RSPO3: variants seen among roughly 807,000 people sequenced by gnomAD.
The protein encoded by RSPO3 is R-spondin 3.
Under a neutral mutation model 36.5 loss-of-function variants are expected in RSPO3, and 17 were observed. That is an observed-to-expected ratio of 0.47 (90% CI 0.32 to 0.70). The LOEUF is 0.70. Among genes scored for constraint, RSPO3 ranks in the 30% least tolerant of loss-of-function variants. The pLI is 0.04. For synonymous variants in RSPO3, 108 were observed against 107.0 expected, an observed-to-expected ratio of 1.01 and a Z score of -0.06; for missense variants, 294 against 322.5, an observed-to-expected ratio of 0.91 and a Z score of 0.68.
chr6:127,143,805 C>T (rs1774326608), intron 1 of RSPO3, among the ~76,000 whole-genome samples: 1 of 152,094 alleles, frequency 6.6e-6, no homozygotes, highest in Non-Finnish European at 1.5e-5. Flanking sequence ...TTTAAATTGT[C>T]ACAGAAACAG....
intron 1 of RSPO3, among the ~76,000 whole-genome samples, chr6:127,147,117 C>T (rs188498201): frequency 3.2e-4 from 49 of 152,192 alleles, no homozygotes; most frequent in Admixed American, 1.9e-3. Flanking sequence ...ATTTACAAAA[C>T]GTCTTGGAAT....
chr6:127,153,402 T>C (rs1774529057), intron 3 of RSPO3, among the ~76,000 whole-genome samples: 1 of 152,100 alleles, frequency 6.6e-6, no homozygotes, highest in Non-Finnish European at 1.5e-5. Flanking sequence ...AGGTTTATTC[T>C]ACAGTGTTTC....
chr6:127,119,300 G>A lies in RSPO3; in HGVS notation c.97+11G>A, dbSNP rs1562237332. ...GGCGCCAGCGAAGAAGTAAGTGCAGGGTTTTTTACGCGTTTGCTCCCTCCC... is the reference window on the plus strand; with the variant it reads ...GGCGCCAGCGAAGAAGTAAGTGCAGAGTTTTTTACGCGTTTGCTCCCTCCC... On this transcript the variant is annotated intron_variant, in intron 1 of 4. Coordinates refer to ENST00000356698, the MANE Select transcript of RSPO3 (RefSeq NM_032784.5). 2.5e-6 allele frequency: 4 copies of A among 1,602,558 alleles called. No homozygotes were observed. In the South Asian group the frequency reaches 4.4e-5, roughly 18 times the overall value.
At chr6:127,186,428 T>C (rs578081917) in intron 4 of RSPO3, among the ~76,000 whole-genome samples, 162 of 152,246 alleles carry the variant, frequency 1.1e-3, no homozygotes, top group Admixed American at 2.6e-3. Flanking sequence ...ACCATTAATT[T>C]TGAGAATGAA....
At chr6:127,137,781 C>T (rs892873341) in intron 1 of RSPO3, among the ~76,000 whole-genome samples, 2 of 152,050 alleles carry the variant, frequency 1.3e-5, no homozygotes, top group Non-Finnish European at 2.9e-5. Flanking sequence ...TCTCTGTAGT[C>T]TTTAGATATC....
intron 2 of RSPO3, 50 bp downstream of exon 2, chr6:127,148,889 C>T (rs1422136311): frequency 6.9e-7 from 1 of 1,442,958 alleles, no homozygotes; most frequent in East Asian, 2.3e-5. Context: ...GGTGACTTTT[C>T]CAGATTGAAA....
intron 1 of RSPO3, among the ~76,000 whole-genome samples, chr6:127,129,555 A>G (rs1197175078): frequency 6.6e-6 from 1 of 152,082 alleles, no homozygotes; most frequent in Admixed American, 6.6e-5. Flanking sequence ...CCATTGCTCC[A>G]ACGTCAGACC....
intron 4 of RSPO3, among the ~76,000 whole-genome samples, chr6:127,191,480 G>T (rs1005333119): frequency 1.3e-5 from 2 of 152,106 alleles, no homozygotes; most frequent in South Asian, 2.1e-4. Flanking sequence ...GTCTGCAGAA[G>T]GCCATAGGAA....
chr6:127,183,277 T>C (rs1219720243), intron 4 of RSPO3, among the ~76,000 whole-genome samples: 1 of 152,016 alleles, frequency 6.6e-6, no homozygotes. Flanking sequence ...GAAACAGCTT[T>C]AGGGATACTC....
chr6:127,188,739 G>C (rs1360637307), intron 4 of RSPO3, among the ~76,000 whole-genome samples: 2 of 152,120 alleles, frequency 1.3e-5, no homozygotes, highest in African/African-American at 4.8e-5. Flanking sequence ...ATGCTATTAA[G>C]TTCTGAGTTA....
intron 4 of RSPO3, among the ~76,000 whole-genome samples, chr6:127,195,334 A>AT (rs530265757): frequency 4.2e-4 from 64 of 151,862 alleles, no homozygotes; most frequent in Admixed American, 3.9e-3. Context: ...TGCCTCATTG[A>AT]TTTTTTTTAT....
intron 1 of RSPO3, among the ~76,000 whole-genome samples, chr6:127,141,590 C>T (rs1774270643): frequency 6.6e-6 from 1 of 152,158 alleles, no homozygotes; most frequent in Admixed American, 6.6e-5. Flanking sequence ...TGTTTCCCCA[C>T]ATAATAATAA....
At chr6:127,192,803 T>A in intron 4 of RSPO3, 2 of 546,214 alleles carry the variant, frequency 3.7e-6, no homozygotes, top group Middle Eastern at 9.3e-4. Context: ...TGTATATATG[T>A]CAGATTGTCA....
chr6:127,138,966 C>T (rs115625840), intron 1 of RSPO3, among the ~76,000 whole-genome samples: 1 of 152,270 alleles, frequency 6.6e-6, no homozygotes, highest in African/African-American at 2.4e-5. Flanking sequence ...GGGAAGTGTG[C>T]AGGACCCATT....
At chr6:127,188,500 T>C (rs2114264760) in intron 4 of RSPO3, among the ~76,000 whole-genome samples, 1 of 152,074 alleles carries the variant, frequency 6.6e-6, no homozygotes, top group African/African-American at 2.4e-5. Context: ...TATGTGATAA[T>C]TTCATTAAAG....
chr6:127,175,790 A>G (rs1412323252), intron 4 of RSPO3, among the ~76,000 whole-genome samples: 2 of 151,690 alleles, frequency 1.3e-5, no homozygotes, highest in Admixed American at 1.3e-4. Context: ...GTAAGAAGAG[A>G]TCTAATATCA....
intron 1 of RSPO3, among the ~76,000 whole-genome samples, chr6:127,128,446 T>C (rs1773985907): frequency 6.6e-6 from 1 of 151,510 alleles, no homozygotes; most frequent in African/African-American, 2.4e-5. Flanking sequence ...CCTGAATATC[T>C]ACATTGTTTA....
chr6:127,139,940 GA>G (rs35984807), intron 1 of RSPO3, among the ~76,000 whole-genome samples: 4,652 of 149,228 alleles, frequency 0.031, 134 homozygotes, highest in Middle Eastern at 0.12. Flanking sequence ...TTGCGATTAG[GA>G]AAAAAAAACA....
intron 4 of RSPO3, among the ~76,000 whole-genome samples, chr6:127,162,578 C>T (rs551624084): frequency 9.9e-5 from 15 of 152,214 alleles, no homozygotes; most frequent in African/African-American, 3.4e-4. Flanking sequence ...TACCTTCATA[C>T]GCTCAACAAA....
Sources: gnomAD v4.1 joint callset for allele counts (sites outside exome capture counted in the v4.1 genomes callset) on GRCh38, gnomAD v4.1.1 for gene constraint, MANE v1.5 for transcripts, NCBI Gene and HGNC (gene_info 2026-07-23, HGNC 2026-07-21) for gene names.